PTPRT: variants seen among roughly 807,000 people sequenced by gnomAD.
The protein encoded by PTPRT is protein tyrosine phosphatase receptor type T.
Under a neutral mutation model 176.8 loss-of-function variants are expected in PTPRT, and 56 were observed. That is an observed-to-expected ratio of 0.32 (90% CI 0.26 to 0.40). PTPRT has a LOEUF of 0.40. Among genes scored for constraint, PTPRT ranks in the 10% least tolerant of loss-of-function variants. PTPRT has a pLI of 1.00. For missense variants in PTPRT, 1,540 were observed against 1,908.2 expected (o/e 0.81, Z 3.60); for synonymous variants, 783 against 739.0 (o/e 1.06, Z -0.96).
rs533311020 is a variant in PTPRT at position 42,794,018 on chromosome 20, C to T, written c.215-2552G>A. Among the ~76,000 whole-genome samples the T allele has an allele frequency of 3.3e-5, 5 of 152,290 alleles. No individual in the cohort carries two copies. The South Asian group carries it at 1.0e-3, about 32-fold the overall frequency. ...GGGCTCATGTACCCTTGGCTCCTTA[C>T]AATCCACTGTAGAGAGAGTTGGGAA... On this transcript the variant is annotated intron_variant, in intron 2 of 30. Coordinates refer to ENST00000373187, the MANE Select transcript of PTPRT (RefSeq NM_007050.6).
chr20:42,966,941 C>A (rs1037303717), intron 1 of PTPRT, among the ~76,000 whole-genome samples: 2 of 152,202 alleles, frequency 1.3e-5, no homozygotes, highest in Non-Finnish European at 2.9e-5. Context: ...CTAAAGAATT[C>A]CTCCACTTTA....
chr20:43,188,872 C>G (rs1446520633), intron 1 of PTPRT, among the ~76,000 whole-genome samples: 2 of 152,068 alleles, frequency 1.3e-5, no homozygotes, highest in Non-Finnish European at 2.9e-5. Context: ...AGGCACCACC[C>G]CCCCGCCCCC....
intron 6 of PTPRT, among the ~76,000 whole-genome samples, chr20:42,754,958 C>G (rs534304697): frequency 6.6e-6 from 1 of 152,234 alleles, no homozygotes; most frequent in South Asian, 2.1e-4. Context: ...ACCCAGCAGA[C>G]AGCCCTCCTC....
chr20:43,116,221 A>G (rs1352043234), intron 1 of PTPRT, among the ~76,000 whole-genome samples: 2 of 152,240 alleles, frequency 1.3e-5, no homozygotes, highest in East Asian at 1.9e-4. Context: ...CTGCAGAATC[A>G]TGAGTCTCAA....
intron 7 of PTPRT, among the ~76,000 whole-genome samples, chr20:42,525,966 C>T (rs1036099823): frequency 6.6e-6 from 1 of 151,816 alleles, no homozygotes; most frequent in African/African-American, 2.4e-5. Flanking sequence ...GAAATATTTA[C>T]AGATATTATT....
At chr20:43,178,764 A>G (rs946194270) in intron 1 of PTPRT, among the ~76,000 whole-genome samples, 2 of 152,180 alleles carry the variant, frequency 1.3e-5, no homozygotes, top group African/African-American at 4.8e-5. Context: ...CCAACCTTGC[A>G]CTGCCAGATG....
intron 1 of PTPRT, among the ~76,000 whole-genome samples, chr20:42,940,997 G>A (rs530367655): frequency 1.6e-4 from 25 of 151,896 alleles, no homozygotes; most frequent in Non-Finnish European, 2.8e-4. Flanking sequence ...CAGAAGAATC[G>A]CTTGAACCTG....
chr20:42,173,042 T>A (rs1017434037), intron 16 of PTPRT, among the ~76,000 whole-genome samples: 1 of 152,174 alleles, frequency 6.6e-6, no homozygotes, highest in African/African-American at 2.4e-5. Flanking sequence ...TGTGCACTGT[T>A]CAATTTTAGA....
intron 1 of PTPRT, among the ~76,000 whole-genome samples, chr20:42,890,408 C>G (rs2079172835): frequency 6.6e-6 from 1 of 152,208 alleles, no homozygotes; most frequent in African/African-American, 2.4e-5. Flanking sequence ...TATCCCTTCC[C>G]TGTTTCTGAG....
At chr20:42,921,800 C>G (rs2040275407) in intron 1 of PTPRT, among the ~76,000 whole-genome samples, 1 of 152,178 alleles carries the variant, frequency 6.6e-6, no homozygotes, top group Non-Finnish European at 1.5e-5. Flanking sequence ...CTCCTCAAGA[C>G]CACCCATGAC....
intron 8 of PTPRT, among the ~76,000 whole-genome samples, chr20:42,453,316 A>C (rs2070864350): frequency 6.6e-6 from 1 of 152,052 alleles, no homozygotes; most frequent in Non-Finnish European, 1.5e-5. Flanking sequence ...TCATGTATTA[A>C]TGCTTCTTTT....
At chr20:42,881,724 CAAAAAAAA>C (rs112191705) in intron 2 of PTPRT, among the ~76,000 whole-genome samples, 1 of 36,712 alleles carries the variant, frequency 2.7e-5, no homozygotes, top group African/African-American at 6.8e-5. Context: ...CACTCTGTCT[CAAAAAAAA>C]AAAAAAAAAA....
At chr20:42,782,400 AC>A (rs1446450867) in intron 3 of PTPRT, among the ~76,000 whole-genome samples, 2 of 152,154 alleles carry the variant, frequency 1.3e-5, no homozygotes, top group Non-Finnish European at 2.9e-5. Context: ...CTGTATTTCT[AC>A]CTAGGTACCA....
intron 7 of PTPRT, among the ~76,000 whole-genome samples, chr20:42,658,285 T>C (rs1213604067): frequency 6.6e-6 from 1 of 152,232 alleles, no homozygotes; most frequent in African/African-American, 2.4e-5. Context: ...TGTCAATTCA[T>C]TAACATTGAA....
At chr20:42,768,788 G>A (rs1197039231) in intron 5 of PTPRT, among the ~76,000 whole-genome samples, 1 of 152,188 alleles carries the variant, frequency 6.6e-6, no homozygotes, top group Non-Finnish European at 1.5e-5. Context: ...GGTTTACATT[G>A]AAAAGGAGAT....
intron 1 of PTPRT, among the ~76,000 whole-genome samples, chr20:43,151,276 G>C (rs2014344225): frequency 7.0e-6 from 1 of 142,126 alleles, no homozygotes; most frequent in Non-Finnish European, 1.5e-5. Flanking sequence ...ATTGCACATT[G>C]CACTCCAACC....
chr20:42,436,768 G>A (rs1023857909), intron 9 of PTPRT, among the ~76,000 whole-genome samples: 2 of 152,184 alleles, frequency 1.3e-5, no homozygotes, highest in African/African-American at 4.8e-5. Flanking sequence ...CATTCTGAAA[G>A]CAACCCCAAT....
the PTPRT span, among the ~76,000 whole-genome samples, chr20:42,036,767 A>G: frequency 6.6e-6 from 1 of 152,192 alleles, no homozygotes; most frequent in Admixed American, 6.5e-5. Flanking sequence ...TAAGTATTGC[A>G]GGTGAGGAGA....
chr20:42,351,076 T>C (rs2058276463), intron 10 of PTPRT, among the ~76,000 whole-genome samples: 1 of 151,352 alleles, frequency 6.6e-6, no homozygotes, highest in Admixed American at 6.6e-5. Context: ...ACATTTAAAA[T>C]GCAAATTACA....
Sources: gnomAD v4.1 joint callset for allele counts (sites outside exome capture counted in the v4.1 genomes callset) on GRCh38, gnomAD v4.1.1 for gene constraint, MANE v1.5 for transcripts, NCBI Gene and HGNC (gene_info 2026-07-23, HGNC 2026-07-21) for gene names.